Variants in ANKDD1B observed in about 807,000 individuals in gnomAD.
The protein encoded by ANKDD1B is ankyrin repeat and death domain containing 1B.
Under a neutral mutation model 59.7 loss-of-function variants are expected in ANKDD1B, and 57 were observed. The ratio of observed to expected loss-of-function variants is 0.95; its 90% CI spans 0.77 to 1.19. The LOEUF is 1.19. Among genes scored for constraint, ANKDD1B ranks in the 50% most tolerant of loss-of-function variants. The pLI, the probability that ANKDD1B is intolerant of heterozygous loss-of-function variation, is 0.00. For missense variants in ANKDD1B, 602 were observed against 641.9 expected (o/e 0.94, Z 0.67); for synonymous variants, 216 against 239.5 (o/e 0.90, Z 0.91).
chr5:75,654,863 C>T (rs773970953), intron 8 of ANKDD1B, among the ~76,000 whole-genome samples: 9 of 152,136 alleles, frequency 5.9e-5, no homozygotes, highest in Non-Finnish European at 8.8e-5. Context: ...GCTTCACACT[C>T]AGCTCGGCTC....
At chr5:75,657,586 C>T (rs1468647183) in intron 9 of ANKDD1B, among the ~76,000 whole-genome samples, 1 of 152,154 alleles carries the variant, frequency 6.6e-6, no homozygotes, top group Non-Finnish European at 1.5e-5. Flanking sequence ...CACCTAGACA[C>T]ACTGCCATTT....
intron 7 of ANKDD1B, among the ~76,000 whole-genome samples, chr5:75,638,848 A>G (rs553661320): frequency 6.6e-6 from 1 of 152,270 alleles, no homozygotes; most frequent in Non-Finnish European, 1.5e-5. Flanking sequence ...TCCTCTGCAT[A>G]TATGTACAAT....
At chr5:75,629,439 C>T (rs1320057051) in intron 5 of ANKDD1B, among the ~76,000 whole-genome samples, 3 of 152,136 alleles carry the variant, frequency 2.0e-5, no homozygotes, top group African/African-American at 7.2e-5. Flanking sequence ...AGCGACACAT[C>T]TCAGGGATCC....
intron 7 of ANKDD1B, among the ~76,000 whole-genome samples, chr5:75,649,334 G>GA: frequency 6.6e-6 from 1 of 151,606 alleles, no homozygotes. Flanking sequence ...TGAGGGAGGT[G>GA]AAAAAATGCA....
intron 7 of ANKDD1B, among the ~76,000 whole-genome samples, chr5:75,639,867 AT>A (rs941035904): frequency 1.2e-4 from 19 of 152,056 alleles, no homozygotes; most frequent in Admixed American, 6.5e-5. Flanking sequence ...TCCTTCTAGT[AT>A]TTGTCTTGAG....
At chr5:75,668,662 C>T (rs1384917474) in intron 12 of ANKDD1B, among the ~76,000 whole-genome samples, 3 of 152,160 alleles carry the variant, frequency 2.0e-5, no homozygotes, top group Admixed American at 6.5e-5. Context: ...CTCCCTATCC[C>T]GGTACTTCCC....
In ANKDD1B at chr5:75,633,821, T is replaced by C. The variant is rs551557792; in HGVS notation, c.601-1077T>C. On this transcript the variant is annotated intron_variant, in intron 5 of 13. Coordinates refer to ENST00000601380, the MANE Select transcript of ANKDD1B (RefSeq NM_001276713.2). The stretch of plus-strand genomic sequence containing the variant: ...GACCTATTGGGAGATGTTTGTGTCA[T>C]GAGGGTGGATCTTTCATGAATGGCT... Among the ~76,000 whole-genome samples the C allele has an allele frequency of 7.8e-4, 118 of 152,168 alleles. 1 individual carries two copies. The highest frequency in any genetic ancestry group is 1.1e-3 in the Non-Finnish European group (78 of 68,020).
Position 75,611,657 on chromosome 5 carries a change from G to A in ANKDD1B, c.23G>A (p.Arg8Gln). ...ACTATGGACCCCGCCGGGCGCGCCCGGGGCCAAGGGGCCACGGCAGGGGGG... is the reference window on the plus strand; with the variant it reads ...ACTATGGACCCCGCCGGGCGCGCCCAGGGCCAAGGGGCCACGGCAGGGGGG... MDPAGRA[R>Q]GQGATAGGLL... The change falls in exon 1 of 14, where the codon CGG becomes CAG. Residue 8 changes from arginine to glutamine, a missense_variant. By Grantham distance (43) the Arg-to-Gln change is conservative (BLOSUM62 1). Coordinates refer to ENST00000601380, the MANE Select transcript of ANKDD1B (RefSeq NM_001276713.2). 2 of 1,231,410 alleles carry A rather than the reference G, an allele frequency of 1.6e-6. No individual in the cohort carries two copies. The highest frequency in any genetic ancestry group is 2.0e-6 in the Non-Finnish European group (2 of 987,824). The allele number at this position is 1,231,410 out of a possible 1,614,324, so 76.3% of individuals were successfully genotyped here.
intron 1 of ANKDD1B, among the ~76,000 whole-genome samples, chr5:75,615,471 G>A (rs928811695): frequency 6.6e-6 from 1 of 152,124 alleles, no homozygotes; most frequent in African/African-American, 2.4e-5. Flanking sequence ...GAATGAACAT[G>A]TGAATCTGCA....
rs976441874 is a variant in ANKDD1B at position 75,625,860 on chromosome 5, A to C, written c.505A>C (p.Ser169Arg). 3.3e-6 allele frequency: 5 copies of C among 1,536,132 alleles called. No homozygotes were observed. In the African/African-American group the frequency reaches 6.8e-5, roughly 21 times the overall value. Residue 169 changes from serine (S) to arginine (R), a missense_variant, in exon 5 of 14, where the codon AGC (serine) becomes CGC (arginine). Around this residue, in one of 3 missense-constraint regions of ANKDD1B, gnomAD observed 317 missense variants for 304.6 expected, o/e 1.04. Transcript: ENST00000601380. ...CCCTGGTTCTCTTCAGGATGGAATG[A>C]GCGCCCTCCACTTTGCCACTCAGAG... is the stretch of plus-strand genomic sequence containing the variant. The part of the protein sequence containing the change: ...DQRAKNQDGM[S>R]ALHFATQSNH...
At chr5:75,641,842 T>C (rs540649671) in intron 7 of ANKDD1B, among the ~76,000 whole-genome samples, 1 of 152,264 alleles carries the variant, frequency 6.6e-6, no homozygotes, top group Non-Finnish European at 1.5e-5. Flanking sequence ...AAAATTATGT[T>C]AAGGAAATAA....
intron 1 of ANKDD1B, 53 bp from the exon 2 acceptor site, chr5:75,616,751 T>C (rs1185824910): frequency 1.2e-6 from 1 of 811,006 alleles, no homozygotes; most frequent in Admixed American, 2.5e-5. Context: ...AAATATGCTT[T>C]CTCTTTGGCC....
At chr5:75,613,280 GT>G (rs1202949826) in intron 1 of ANKDD1B, among the ~76,000 whole-genome samples, 1 of 152,194 alleles carries the variant, frequency 6.6e-6, no homozygotes. Context: ...TCAAGGGAGG[GT>G]TTTTTATGCA....
At chr5:75,670,290 T>G (rs904861498) in intron 13 of ANKDD1B, among the ~76,000 whole-genome samples, 7 of 152,264 alleles carry the variant, frequency 4.6e-5, no homozygotes, top group Admixed American at 3.9e-4. Flanking sequence ...AAACAAAAGA[T>G]ATCATTCTAC....
intron 3 of ANKDD1B, 82 bp from the exon 4 acceptor site, chr5:75,625,565 A>T: frequency 1.0e-6 from 1 of 973,706 alleles, no homozygotes; most frequent in Non-Finnish European, 1.5e-6. Flanking sequence ...ATCTAGTATT[A>T]ATTTGGCCTT....
chr5:75,643,276 G>T (rs1203070703), intron 7 of ANKDD1B, among the ~76,000 whole-genome samples: 1 of 68,688 alleles, frequency 1.5e-5, no homozygotes, highest in East Asian at 4.0e-4. Context: ...AGAGAAGAAG[G>T]CTTCAGACGA....
At chr5:75,660,284 T>G (rs1775097589) in intron 10 of ANKDD1B, among the ~76,000 whole-genome samples, 1 of 152,180 alleles carries the variant, frequency 6.6e-6, no homozygotes, top group African/African-American at 2.4e-5. Context: ...GAACCACCAT[T>G]CTACTTTCTG....
At chr5:75,630,230 T>C (rs944551301) in intron 5 of ANKDD1B, among the ~76,000 whole-genome samples, 1 of 152,234 alleles carries the variant, frequency 6.6e-6, no homozygotes, top group African/African-American at 2.4e-5. Flanking sequence ...TAAGAAACTA[T>C]ATTGTTTAAA....
chr5:75,669,111 C>T (rs1775397683), intron 12 of ANKDD1B, 141 bp from the exon 13 acceptor site: 15 of 762,840 alleles, frequency 2.0e-5, no homozygotes, highest in South Asian at 6.9e-5. Context: ...AGCAGCACAG[C>T]GAGGGCAACT....
Sources: gnomAD v4.1 joint callset for allele counts (sites outside exome capture counted in the v4.1 genomes callset) on GRCh38, gnomAD v4.1.1 for gene constraint, gnomAD v4.1.1 regional missense constraint, MANE v1.5 for transcripts, NCBI Gene and HGNC (gene_info 2026-07-23, HGNC 2026-07-21) for gene names.